The following RBFOX1 variants were observed in gnomAD, a reference collection of about 807,000 sequenced individuals.
RBFOX1 encodes RNA binding protein fox-1 homolog 1.
In RBFOX1, 8 loss-of-function variants were observed where a neutral mutation model predicts 57.7. That is an observed-to-expected ratio of 0.14 (90% confidence interval 0.08 to 0.25). The LOEUF (loss-of-function observed/expected upper bound fraction) is 0.25, where lower values mean the gene tolerates loss of function less well. RBFOX1 is among the 10% of genes least tolerant of loss of function. RBFOX1 has a pLI of 1.00. For synonymous variants in RBFOX1, 326 were observed against 222.4 expected (o/e 1.47, Z -4.15); for missense variants, 611 against 548.5 (o/e 1.11, Z -1.14).
At chr16:6,698,490 G>C (rs962012351) in intron 3 of RBFOX1, among the ~76,000 whole-genome samples, 2 of 152,038 alleles carry the variant, frequency 1.3e-5, no homozygotes, top group South Asian at 4.2e-4. Flanking sequence ...TCCTGGGCTG[G>C]GCCCTGTCTT....
At position 5,306,670 on chromosome 16, in the gene RBFOX1, A is replaced by G. The variant is rs375531888; in HGVS notation, c.219+66565A>G. Reference sequence around the variant, plus strand: ...GAAAGATCGAGTTAAATGCACAGCAATGCTCTGCGGAGCAAGGTAAGGTTG... The same window carrying G: ...GAAAGATCGAGTTAAATGCACAGCAGTGCTCTGCGGAGCAAGGTAAGGTTG... On this transcript the variant is annotated intron_variant, in intron 1 of 2. Transcript: ENST00000585867. 2.0e-5 allele frequency among the ~76,000 whole-genome samples: 3 copies of G among 152,162 alleles called. No homozygotes were observed. In the South Asian group the frequency reaches 6.2e-4, roughly 32 times the overall value.
intron 3 of RBFOX1, among the ~76,000 whole-genome samples, chr16:6,776,454 C>T (rs1374839262): frequency 1.3e-5 from 2 of 151,692 alleles, no homozygotes; most frequent in South Asian, 2.1e-4. Context: ...AACAAAAAAA[C>T]ATCAAGGAGA....
chr16:6,735,923 A>ATTTT (rs138048642), intron 3 of RBFOX1, among the ~76,000 whole-genome samples: 28 of 149,918 alleles, frequency 1.9e-4, no homozygotes, highest in Non-Finnish European at 3.5e-4. Flanking sequence ...TTTTGTCGCC[A>ATTTT]TTTTTTTTTT....
chr16:5,588,687 G>C lies in RBFOX1; in HGVS notation c.259-10215G>C, dbSNP rs143374009. The stretch of plus-strand genomic sequence containing the variant: ...GAGGGCTGGGAGGGCATTGAATTGG[G>C]AGAGGCATGAACCACTTTATATCCA... On this transcript the variant is annotated intron_variant, in intron 2 of 2. Coordinates refer to the RBFOX1 transcript ENST00000585867. Among the ~76,000 whole-genome samples the C allele has an allele frequency of 1.6e-4, 25 of 152,258 alleles. No homozygotes were observed. The East Asian group carries it at 4.4e-3, about 27-fold the overall frequency.
chr16:6,917,904 G>C (rs577906405), intron 3 of RBFOX1, among the ~76,000 whole-genome samples: 1 of 152,272 alleles, frequency 6.6e-6, no homozygotes, highest in Admixed American at 6.5e-5. Context: ...AGGGACAATG[G>C]AGACCTGGGT....
intron 1 of RBFOX1, among the ~76,000 whole-genome samples, chr16:5,292,314 T>C (rs2063554566): frequency 6.6e-6 from 1 of 152,196 alleles, no homozygotes. Flanking sequence ...CAAACCCATT[T>C]TGTGCAGTGA....
chr16:6,860,003 A>G (rs962466416), intron 3 of RBFOX1, among the ~76,000 whole-genome samples: 1 of 152,188 alleles, frequency 6.6e-6, no homozygotes, highest in Non-Finnish European at 1.5e-5. Flanking sequence ...CATTGACTGT[A>G]AAGTGTAGGA....
chr16:6,793,827 G>C (rs1477280421), intron 3 of RBFOX1, among the ~76,000 whole-genome samples: 1 of 152,128 alleles, frequency 6.6e-6, no homozygotes, highest in Non-Finnish European at 1.5e-5. Flanking sequence ...TTAGTAGAAG[G>C]TGATGTATTA....
At chr16:7,145,248 A>G (rs1763074104) in intron 4 of RBFOX1, among the ~76,000 whole-genome samples, 2 of 152,192 alleles carry the variant, frequency 1.3e-5, no homozygotes, top group South Asian at 2.1e-4. Context: ...TCTGTTGCCC[A>G]GGCTGGAGTG....
intron 3 of RBFOX1, among the ~76,000 whole-genome samples, chr16:5,667,665 C>G (rs1483093595): frequency 6.6e-6 from 1 of 152,132 alleles, no homozygotes; most frequent in Non-Finnish European, 1.5e-5. Context: ...TGATTGATCT[C>G]TGGATATCTT....
chr16:5,873,207 C>G (rs1357515486), intron 4 of RBFOX1, among the ~76,000 whole-genome samples: 1 of 152,110 alleles, frequency 6.6e-6, no homozygotes, highest in South Asian at 2.1e-4. Flanking sequence ...AATTAAATAA[C>G]CTAATTAGGA....
chr16:7,469,594 A>G (rs1318168451), intron 4 of RBFOX1, among the ~76,000 whole-genome samples: 1 of 152,178 alleles, frequency 6.6e-6, no homozygotes, highest in Non-Finnish European at 1.5e-5. Context: ...AAGTTGTGAT[A>G]TAGCCCTGAG....
At chr16:6,232,944 G>C (rs376012024) in intron 1 of RBFOX1, among the ~76,000 whole-genome samples, 15 of 152,090 alleles carry the variant, frequency 9.9e-5, no homozygotes, top group African/African-American at 2.9e-4. Flanking sequence ...AGGGAATCAG[G>C]GTTTGAGAAC....
intron 1 of RBFOX1, among the ~76,000 whole-genome samples, chr16:6,036,615 A>G (rs376656075): frequency 7.0e-6 from 1 of 143,302 alleles, no homozygotes; most frequent in South Asian, 2.2e-4. Context: ...GTCTCTTTTT[A>G]TTTTTCAGAC....
chr16:7,163,365 T>A lies in RBFOX1; in HGVS notation c.27+111267T>A, dbSNP rs937874223. 2.6e-5 allele frequency among the ~76,000 whole-genome samples: 4 copies of A among 152,130 alleles called. 1 individual carries two copies. Among genetic ancestry groups the A allele is most frequent in the Admixed American group, 6.5e-5 (1 of 15,270 alleles). On this transcript the variant is annotated intron_variant, in intron 4 of 15. Transcript: ENST00000550418. ...AGAGCAAAGAGGCATGTGAGGAGAT[T>A]TTGCTTTGGAAAATGGCACACAGTT...
intron 1 of RBFOX1, among the ~76,000 whole-genome samples, chr16:5,441,405 C>T (rs563615415): frequency 1.4e-5 from 2 of 147,794 alleles, no homozygotes; most frequent in East Asian, 4.0e-4. Context: ...CGCAGTGTCA[C>T]CTAGGCTAGA....
At chr16:6,531,460 T>C (rs1403545526) in intron 2 of RBFOX1, among the ~76,000 whole-genome samples, 2 of 152,226 alleles carry the variant, frequency 1.3e-5, no homozygotes. Context: ...GTCCTGATTA[T>C]GATTACATTT....
intron 3 of RBFOX1, among the ~76,000 whole-genome samples, chr16:5,804,741 G>A (rs961704739): frequency 1.3e-5 from 2 of 152,172 alleles, no homozygotes; most frequent in African/African-American, 4.8e-5. Flanking sequence ...CTCTGCAGCA[G>A]TGGCTGCTGC....
intron 1 of RBFOX1, among the ~76,000 whole-genome samples, chr16:5,359,942 T>C (rs2065496736): frequency 1.3e-5 from 2 of 152,248 alleles, no homozygotes; most frequent in South Asian, 2.1e-4. Flanking sequence ...TTATGTTTTT[T>C]TCTCTGTCCT....
Sources: allele counts gnomAD v4.1 joint callset (sites outside exome capture counted in the v4.1 genomes callset), GRCh38; gene constraint gnomAD v4.1.1; transcripts MANE v1.5; gene names NCBI Gene and HGNC (gene_info 2026-07-23, HGNC 2026-07-21).